PLOD2: variants seen among roughly 807,000 people sequenced by gnomAD.
PLOD2 encodes lysine hydroxylase 2.
PLOD2 carries 65 observed loss-of-function variants against 101.0 expected under a neutral mutation model. The observed-to-expected ratio is 0.64, with a 90% confidence interval of 0.53 to 0.79. The LOEUF is 0.79. Ranked by LOEUF, PLOD2 falls within the 30% of genes least tolerant of loss-of-function variation. PLOD2 has a pLI of 0.00. For missense variants in PLOD2, 909 were observed against 914.6 expected (o/e 0.99, Z 0.08); for synonymous variants, 314 against 302.9 (o/e 1.04, Z -0.38).
intron 1 of PLOD2, among the ~76,000 whole-genome samples, chr3:146,127,556 T>C (rs1245237759): frequency 6.6e-6 from 1 of 152,126 alleles, no homozygotes. Flanking sequence ...TATATCACAT[T>C]TTCTTTATCC....
At chr3:146,114,379 G>A (rs1252102493) in intron 3 of PLOD2, among the ~76,000 whole-genome samples, 1 of 152,074 alleles carries the variant, frequency 6.6e-6, no homozygotes, top group African/African-American at 2.4e-5. Flanking sequence ...TCTTATAGCA[G>A]CGTGAAAATG....
intron 4 of PLOD2, among the ~76,000 whole-genome samples, chr3:146,108,786 T>C (rs1262330562): frequency 6.6e-6 from 1 of 152,190 alleles, no homozygotes; most frequent in Non-Finnish European, 1.5e-5. Flanking sequence ...CCTGAGTACA[T>C]ACATCACTAT....
At position 146,102,841 on chromosome 3, in the gene PLOD2, A is replaced by C. The variant is rs935067719; in HGVS notation, c.691T>G (p.Leu231Val). 8.9e-6 allele frequency: 14 copies of C among 1,564,548 alleles called. No individual in the cohort carries two copies. In the African/African-American group the frequency reaches 1.5e-4, roughly 17 times the overall value. Residue 231 changes from leucine to valine, a missense_variant, in exon 7 of 20, where the codon TTA becomes GTA. Transcript: ENST00000282903. ...CTGGCTTTGCCATTTTCAAATTTTA[A>C]AACAACTTCATCTGGGTTAAAAAGA... ...TLNGAVDEVVLKFENGKARAK... is the reference protein window; with the variant it reads ...TLNGAVDEVVVKFENGKARAK...
At chr3:146,086,599 T>A (rs1936778516) in intron 10 of PLOD2, 188 bp downstream of exon 10, 1 of 358,070 alleles carries the variant, frequency 2.8e-6, no homozygotes, top group South Asian at 7.5e-5. Context: ...AAAACATAAG[T>A]AACTTCTACA....
At chr3:146,141,879 G>C (rs1485537292) in intron 1 of PLOD2, among the ~76,000 whole-genome samples, 1 of 152,084 alleles carries the variant, frequency 6.6e-6, no homozygotes, top group Non-Finnish European at 1.5e-5. Flanking sequence ...GGTTTTAACA[G>C]AGAAAGTTAT....
intron 4 of PLOD2, among the ~76,000 whole-genome samples, chr3:146,107,530 A>T (rs1937555804): frequency 6.6e-6 from 1 of 152,002 alleles, no homozygotes; most frequent in African/African-American, 2.4e-5. Flanking sequence ...AAATAGGTCC[A>T]GGGAAATTAC....
chr3:146,079,686 T>C lies in PLOD2; in HGVS notation c.1359-429A>G, dbSNP rs1008217193. 1.1e-4 allele frequency among the ~76,000 whole-genome samples: 17 copies of C among 152,136 alleles called. 1 individual carries two copies. In the South Asian group the frequency reaches 3.5e-3, roughly 31 times the overall value. On this transcript the variant is annotated intron_variant, in intron 12 of 19. Transcript: ENST00000282903. ...AAGTTAACTTTTTCTGCCAAGTCCA[T>C]GTTCAGTAATTTCACATTGGAAACT... is the stretch of plus-strand genomic sequence containing the variant.
intron 4 of PLOD2, among the ~76,000 whole-genome samples, chr3:146,108,978 A>G (rs1937581576): frequency 6.6e-6 from 1 of 152,220 alleles, no homozygotes; most frequent in Admixed American, 6.5e-5. Context: ...TCTTGACAGT[A>G]TGGAGGCCAT....
In PLOD2 at chr3:146,070,875, A is replaced by C; in HGVS notation, c.2122-3T>G. 1 of 1,602,742 alleles carries C rather than the reference A, an allele frequency of 6.2e-7. No individual in the cohort carries two copies. The highest frequency in any genetic ancestry group is 8.5e-7 in the Non-Finnish European group (1 of 1,171,460). The stretch of plus-strand genomic sequence containing the variant: ...CTTAGAAATTTGCAACCACCTCCCT[A>C]AAAAAGTTAAAATGAAGAAATACAT... On this transcript the variant is annotated splice_polypyrimidine_tract_variant and splice_region_variant and intron_variant, in intron 19 of 19. Transcript: ENST00000282903.
chr3:146,125,724 G>A (rs2108100997), intron 1 of PLOD2, among the ~76,000 whole-genome samples: 1 of 152,198 alleles, frequency 6.6e-6, no homozygotes, highest in South Asian at 2.1e-4. Flanking sequence ...TCCAGCCTAG[G>A]TGATGAGGCC....
In PLOD2 at chr3:146,161,139, C is replaced by T; in HGVS notation, c.-150G>A. 1 of 434,804 alleles carries T rather than the reference C, an allele frequency of 2.3e-6. No homozygotes were observed. Among genetic ancestry groups the T allele is most frequent in the Non-Finnish European group, 3.9e-6 (1 of 255,104 alleles). The allele number at this position is 434,804 out of a possible 1,614,324, so 26.9% of individuals were successfully genotyped here. On this transcript the variant is annotated 5_prime_UTR_variant, in exon 1 of 20. Transcript: ENST00000282903. ...GGCGCGCGGCCGGCAGCCGGAGCGG[C>T]GCGTAACGCAGCTGAGTGAGGTCGT...
At chr3:146,106,749 CCTAATTCTTAGG>C (rs1439955149) in intron 4 of PLOD2, 105 bp from the exon 5 acceptor site, 34 of 751,972 alleles carry the variant, frequency 4.5e-5, no homozygotes, top group Non-Finnish European at 7.3e-5. Flanking sequence ...AGTCATGAAG[CCTAATTCTTAGG>C]CTGGAATTTC....
intron 1 of PLOD2, among the ~76,000 whole-genome samples, chr3:146,142,119 C>T (rs1025558349): frequency 6.6e-6 from 1 of 151,980 alleles, no homozygotes; most frequent in Admixed American, 6.6e-5. Context: ...CAAATTATAA[C>T]TTTCAAAAAG....
chr3:146,140,165 G>T (rs1194798845), intron 1 of PLOD2, among the ~76,000 whole-genome samples: 2 of 151,524 alleles, frequency 1.3e-5, no homozygotes, highest in Non-Finnish European at 2.9e-5. Flanking sequence ...ATGTCTGAAA[G>T]AGTCAATGTT....
intron 7 of PLOD2, among the ~76,000 whole-genome samples, chr3:146,092,457 G>A (rs541444817): frequency 1.3e-5 from 2 of 152,186 alleles, no homozygotes; most frequent in East Asian, 3.9e-4. Flanking sequence ...TCTGGGCAGT[G>A]ATTCAGGGGT....
rs371963945 is a variant in PLOD2 at position 146,081,881 on chromosome 3, G to A, written c.1233-18C>T. 1.8e-5 allele frequency: 29 copies of A among 1,605,966 alleles called. No individual in the cohort carries two copies. In the Middle Eastern group the frequency reaches 1.3e-3, roughly 73 times the overall value. ...TGATCTTTCTAAAGACAGAGAGAGT[G>A]TGTGTGAGAGAGAGAAACCTATATA... On this transcript the variant is annotated intron_variant, in intron 11 of 19. Coordinates refer to ENST00000282903, the MANE Select transcript of PLOD2 (RefSeq NM_182943.3).
At chr3:146,148,314 A>ACAGGCAGG (rs1199046850) in intron 1 of PLOD2, among the ~76,000 whole-genome samples, 1 of 132,452 alleles carries the variant, frequency 7.5e-6, no homozygotes, top group African/African-American at 2.9e-5. Flanking sequence ...AATTATTTAT[A>ACAGGCAGG]CAGGCAGGCA....
At chr3:146,157,310 A>G (rs2032347199) in intron 1 of PLOD2, among the ~76,000 whole-genome samples, 2 of 152,234 alleles carry the variant, frequency 1.3e-5, no homozygotes, top group Admixed American at 6.5e-5. Flanking sequence ...AGAGTTTACA[A>G]TTTATTAAAC....
intron 5 of PLOD2, chr3:146,105,206 C>G (rs1937516236): frequency 6.6e-6 from 1 of 152,116 alleles, no homozygotes; most frequent in Non-Finnish European, 1.5e-5. Flanking sequence ...TTATTTAGAC[C>G]ACTGCTATTT....
Sources: allele counts gnomAD v4.1 joint callset (sites outside exome capture counted in the v4.1 genomes callset), GRCh38; gene constraint gnomAD v4.1.1; transcripts MANE v1.5; gene names NCBI Gene and HGNC (gene_info 2026-07-23, HGNC 2026-07-21).